The following STIP1 variants were observed in gnomAD, a reference collection of about 807,000 sequenced individuals.
STIP1 encodes stress-induced-phosphoprotein 1.
Under a neutral mutation model 77.4 loss-of-function variants are expected in STIP1, and 16 were observed. That is an observed-to-expected ratio of 0.21 (90% CI 0.14 to 0.31). The LOEUF (loss-of-function observed/expected upper bound fraction) is 0.31. Ranked by LOEUF, STIP1 falls within the 10% of genes least tolerant of loss-of-function variation. The probability of loss-of-function intolerance (pLI) is 1.00; values close to 1 mark genes in which losing one functional copy is unlikely to be tolerated. For synonymous variants in STIP1, 258 were observed against 246.6 expected (o/e 1.05, Z -0.44); for missense variants, 524 against 684.8 (o/e 0.77, Z 2.62).
chr11:64,188,410 CAG>C (rs1321528411), intron 1 of STIP1, among the ~76,000 whole-genome samples: 1 of 151,126 alleles, frequency 6.6e-6, no homozygotes, highest in African/African-American at 2.4e-5. Context: ...TTTTTAGAGA[CAG>C]GGTCTGGTTC....
At chr11:64,202,836 A>C (rs753219025) in intron 10 of STIP1, 40 bp from the exon 11 acceptor site, 42 of 1,613,812 alleles carry the variant, frequency 2.6e-5, no homozygotes, top group Non-Finnish European at 3.5e-5. Context: ...GAGCTTGTCC[A>C]AGGGAATGAG....
chr11:64,195,706 A>C lies in STIP1; in HGVS notation c.565A>C (p.Ser189Arg). 1 of 1,614,164 alleles carries C rather than the reference A, an allele frequency of 6.2e-7. No homozygotes were observed. Among genetic ancestry groups the C allele is most frequent in the Non-Finnish European group, 8.5e-7 (1 of 1,180,042 alleles). The change falls in exon 5 of 14, where the codon AGT (serine) becomes CGT (arginine). Residue 189 changes from serine (S) to arginine (R), a missense_variant. Physicochemically the swap from Ser to Arg is moderately radical, Grantham distance 110 (BLOSUM62 -1). Transcript: ENST00000305218. ...CGTCCTCCTTGGGGTCGATCTGGGC[A>C]GTATGGATGAGGAGGAAGAGATTGC... ...LSVLLGVDLG[S>R]MDEEEEIATP...
intron 8 of STIP1, among the ~76,000 whole-genome samples, chr11:64,199,191 T>A (rs1454131623): frequency 3.0e-5 from 3 of 100,486 alleles, no homozygotes; most frequent in African/African-American, 1.2e-4. Flanking sequence ...AGAGTGAGAC[T>A]CCATCTCAAA....
chr11:64,201,036 T>TCAAAA lies in STIP1; in HGVS notation c.1245+743_1245+744insCAAAA, dbSNP rs1565283378. On this transcript the variant is annotated intron_variant, in intron 10 of 13. Transcript: ENST00000305218. ...ACCACCACGCTTGGCCCCCTTTTTT[T>TCAAAA]AAAAAAAAAAAAAAAAAAAGACAAG... Among the ~76,000 whole-genome samples, 572 of 129,812 alleles carry TCAAAA rather than the reference T, an allele frequency of 4.4e-3. 4 individuals carry two copies. Among genetic ancestry groups the TCAAAA allele is most frequent in the African/African-American group, 0.017 (550 of 33,186 alleles). The allele number at this position is 129,812 out of a possible 152,430, so 85.2% of individuals were successfully genotyped here. A position where few individuals can be genotyped will look rare whatever the true frequency, so the allele number is the denominator to read the frequency against.
At chr11:64,185,971 A>G (rs1053057333), upstream of STIP1, 4 of 1,539,212 alleles carry the variant, frequency 2.6e-6, no homozygotes, top group Admixed American at 2.0e-5. Flanking sequence ...GGAGCCTGAG[A>G]TGGGTGGGTT....
At chr11:64,199,530 T>TG (rs1186585400) in intron 8 of STIP1, among the ~76,000 whole-genome samples, 1 of 143,900 alleles carries the variant, frequency 6.9e-6, no homozygotes, top group Non-Finnish European at 1.5e-5. Context: ...AAAAAAATCT[T>TG]GCCAGCAATA....
intron 8 of STIP1, among the ~76,000 whole-genome samples, chr11:64,199,367 A>G (rs548701694): frequency 2.7e-4 from 39 of 145,598 alleles, no homozygotes; most frequent in African/African-American, 7.3e-4. Flanking sequence ...TTAGCCTGGT[A>G]TGGTGGTGGG....
At chr11:64,197,118 A>G (rs1163435054) in intron 5 of STIP1, 153 bp from the exon 6 acceptor site, 5 of 944,890 alleles carry the variant, frequency 5.3e-6, no homozygotes, top group African/African-American at 3.3e-5. Context: ...CTGATACTTT[A>G]TTGTCTATAG....
rs748729781 is a variant in STIP1, at chr11:64,203,165, G to T, written c.1323G>T (p.Met441Ile). ...GGAAAGCCGCTGCGCTGGAAGCGAT[G>T]AAGGACTACACCAAAGCCATGGATG... ...YTRKAAALEA[M>I]KDYTKAMDVY... Residue 441 changes from methionine to isoleucine, a missense_variant, in exon 12 of 14, where the codon ATG (methionine) becomes ATT (isoleucine). By Grantham distance (10) the Met-to-Ile change is conservative. Transcript: ENST00000305218. The T allele has an allele frequency of 6.2e-7, 1 of 1,614,240 alleles. No homozygotes were observed. Among genetic ancestry groups the T allele is most frequent in the East Asian group, 2.2e-5 (1 of 44,880 alleles).
chr11:64,203,162 G>C lies in STIP1; in HGVS notation c.1320G>C (p.Ala440=), dbSNP rs368536005. 3.7e-6 allele frequency: 6 copies of C among 1,614,220 alleles called. No homozygotes were observed. In the Admixed American group the frequency reaches 8.3e-5, roughly 22 times the overall value. The change falls in exon 12 of 14, where the codon GCG becomes GCC. Residue 440 remains alanine, a synonymous_variant. Coordinates refer to ENST00000305218, the MANE Select transcript of STIP1 (RefSeq NM_006819.3). ...GYTRKAAALE[A]MKDYTKAMDV... is the part of the protein sequence containing the mutation. Reference sequence around the variant, plus strand: ...CACGGAAAGCCGCTGCGCTGGAAGCGATGAAGGACTACACCAAAGCCATGG... The same window carrying C: ...CACGGAAAGCCGCTGCGCTGGAAGCCATGAAGGACTACACCAAAGCCATGG...
chr11:64,185,832 C>A, upstream of STIP1: 2 of 1,536,108 alleles, frequency 1.3e-6, no homozygotes, highest in Non-Finnish European at 1.7e-6. Context: ...GACATGGAGT[C>A]CGGCAGCCCA....
intron 1 of STIP1, among the ~76,000 whole-genome samples, chr11:64,187,343 C>T (rs563653129): frequency 1.3e-5 from 2 of 152,110 alleles, no homozygotes; most frequent in African/African-American, 4.8e-5. Context: ...GGGAGTACTA[C>T]TGTCTTCGCT....
Position 64,191,398 on chromosome 11 carries a change from G to A in STIP1, c.10-1680G>A, listed in dbSNP as rs567874525. Among the ~76,000 whole-genome samples, 5 of 152,044 alleles carry A rather than the reference G, an allele frequency of 3.3e-5. No individual in the cohort carries two copies. In the East Asian group the frequency reaches 9.7e-4, roughly 30 times the overall value. On this transcript the variant is annotated intron_variant, in intron 1 of 13. Transcript: ENST00000305218. Reference sequence around the variant, plus strand: ...TGAGATGGGTGGATTAAGAGGTCAGGAGTTCGAGACCAGCCTGGCCAACAT... The same window carrying A: ...TGAGATGGGTGGATTAAGAGGTCAGAAGTTCGAGACCAGCCTGGCCAACAT...
chr11:64,199,395 A>T (rs1308409997), intron 8 of STIP1, among the ~76,000 whole-genome samples: 1 of 144,650 alleles, frequency 6.9e-6, no homozygotes, highest in Non-Finnish European at 1.5e-5. Flanking sequence ...AGTCCCAGCT[A>T]CTCGGGAGGC....
At chr11:64,186,078 A>G, upstream of STIP1, 1 of 1,548,390 alleles carries the variant, frequency 6.5e-7, no homozygotes, top group Non-Finnish European at 8.7e-7. Context: ...GATGGGCTGG[A>G]CCTCAAGCCA....
intron 7 of STIP1, 52 bp downstream of exon 7, chr11:64,197,647 A>G (rs1476680418): frequency 6.2e-7 from 1 of 1,606,006 alleles, no homozygotes; most frequent in Admixed American, 1.7e-5. Context: ...TTTGCTGTCC[A>G]AGACTTAAGT....
At chr11:64,195,945 T>A in intron 5 of STIP1, 132 bp downstream of exon 5, 1 of 1,334,270 alleles carries the variant, frequency 7.5e-7, no homozygotes, top group Admixed American at 2.3e-5. Flanking sequence ...TCTTGCTGTG[T>A]TTCCCAGGTT....
intron 8 of STIP1, among the ~76,000 whole-genome samples, chr11:64,199,649 C>T (rs1272503958): frequency 1.3e-5 from 2 of 149,500 alleles, no homozygotes; most frequent in African/African-American, 4.9e-5. Context: ...TGCAAGCTTC[C>T]GCCTCCCGGG....
At chr11:64,198,449 G>T (rs1018053350) in intron 8 of STIP1, among the ~76,000 whole-genome samples, 1 of 151,874 alleles carries the variant, frequency 6.6e-6, no homozygotes, top group Non-Finnish European at 1.5e-5. Flanking sequence ...CTGACCTCAT[G>T]ATCCACCCAC....
Sources: gnomAD v4.1 joint callset for allele counts (sites outside exome capture counted in the v4.1 genomes callset) on GRCh38, gnomAD v4.1.1 for gene constraint, MANE v1.5 for transcripts, NCBI Gene and HGNC (gene_info 2026-07-23, HGNC 2026-07-21) for gene names.